The following DGKG variants were observed in gnomAD, a reference collection of about 807,000 sequenced individuals.
The protein encoded by DGKG is DAG kinase gamma.
In DGKG, 78 loss-of-function variants were observed where a neutral mutation model predicts 105.3. The ratio of observed to expected loss-of-function variants is 0.74; its 90% CI spans 0.62 to 0.89. DGKG has a LOEUF of 0.89. DGKG is among the 40% of genes least tolerant of loss of function. The pLI is 0.00. For synonymous variants in DGKG, 346 were observed against 367.1 expected, an observed-to-expected ratio of 0.94 and a Z score of 0.66; for missense variants, 958 against 1,020.1, an observed-to-expected ratio of 0.94 and a Z score of 0.83.
chr3:186,300,125 C>T (rs184571193), intron 3 of DGKG, among the ~76,000 whole-genome samples: 5 of 152,284 alleles, frequency 3.3e-5, no homozygotes, highest in Admixed American at 6.5e-5. Context: ...GCGTGAGGCA[C>T]CATGCCCAGC....
intron 1 of DGKG, among the ~76,000 whole-genome samples, chr3:186,322,725 G>A (rs1032144849): frequency 1.3e-5 from 2 of 152,106 alleles, no homozygotes; most frequent in Non-Finnish European, 2.9e-5. Context: ...TCCTTGGTCT[G>A]AATCTGAATA....
intron 1 of DGKG, among the ~76,000 whole-genome samples, chr3:186,322,827 T>G (rs1267946723): frequency 1.3e-5 from 2 of 152,168 alleles, no homozygotes; most frequent in Non-Finnish European, 2.9e-5. Context: ...GATCTGCATC[T>G]TCCAGTGTCC....
chr3:186,174,348 T>A (rs1716970087), intron 22 of DGKG, among the ~76,000 whole-genome samples: 1 of 151,958 alleles, frequency 6.6e-6, no homozygotes, highest in Admixed American at 6.6e-5. Context: ...TGCTACACAG[T>A]AAGTGCATGG....
chr3:186,150,365 T>C (rs1203423587), intron 24 of DGKG, among the ~76,000 whole-genome samples, 177 bp from the exon 25 acceptor site: 2 of 152,126 alleles, frequency 1.3e-5, no homozygotes, highest in Non-Finnish European at 2.9e-5. Context: ...GCCTGGAGTT[T>C]GGCACGGCTG....
intron 1 of DGKG, among the ~76,000 whole-genome samples, chr3:186,324,226 A>G (rs1233142590): frequency 6.6e-6 from 1 of 152,140 alleles, no homozygotes; most frequent in African/African-American, 2.4e-5. Context: ...ACACTGAACT[A>G]AAACCAGAAG....
chr3:186,185,249 G>T (rs530658721), intron 22 of DGKG, among the ~76,000 whole-genome samples: 9 of 152,184 alleles, frequency 5.9e-5, no homozygotes, highest in African/African-American at 2.2e-4. Context: ...CTCAGTGCTG[G>T]CATCTCTGCA....
intron 1 of DGKG, among the ~76,000 whole-genome samples, chr3:186,334,255 T>C (rs995231484): frequency 6.6e-6 from 1 of 152,138 alleles, no homozygotes; most frequent in Non-Finnish European, 1.5e-5. Context: ...TTCAAACCCA[T>C]GTCTGTCTGA....
chr3:186,201,851 G>C (rs1438312625), intron 21 of DGKG, among the ~76,000 whole-genome samples: 1 of 152,240 alleles, frequency 6.6e-6, no homozygotes, highest in Non-Finnish European at 1.5e-5. Flanking sequence ...GAATGAATAA[G>C]ATAAAGTCCT....
chr3:186,232,571 G>A (rs1010002314), intron 20 of DGKG, among the ~76,000 whole-genome samples: 7 of 152,054 alleles, frequency 4.6e-5, no homozygotes, highest in African/African-American at 1.7e-4. Context: ...TGGCAATATT[G>A]TGTTTCTCCA....
chr3:186,280,529 G>A, intron 8 of DGKG, 141 bp downstream of exon 8: 1 of 602,202 alleles, frequency 1.7e-6, no homozygotes, highest in South Asian at 2.5e-5. Context: ...AGGAGGTAAA[G>A]TGCAGGACTC....
chr3:186,350,325 A>G (rs1468265080), intron 1 of DGKG, among the ~76,000 whole-genome samples: 2 of 152,176 alleles, frequency 1.3e-5, no homozygotes, highest in African/African-American at 4.8e-5. Flanking sequence ...AGTACCTCAT[A>G]TGAGTGGAAT....
At chr3:186,242,887 G>C (rs548234201) in intron 19 of DGKG, among the ~76,000 whole-genome samples, 1 of 152,304 alleles carries the variant, frequency 6.6e-6, no homozygotes, top group East Asian at 1.9e-4. Flanking sequence ...GCCCTCTGGG[G>C]AGACTGAGAG....
intron 22 of DGKG, among the ~76,000 whole-genome samples, chr3:186,175,159 T>C (rs1158282677): frequency 6.6e-6 from 1 of 152,204 alleles, no homozygotes. Flanking sequence ...GGAGGCATCC[T>C]ATCCCTAAGG....
intron 14 of DGKG, 112 bp from the exon 15 acceptor site, chr3:186,261,890 G>A: frequency 1.5e-6 from 1 of 664,344 alleles, no homozygotes; most frequent in East Asian, 2.9e-5. Flanking sequence ...AGGAGGGCAG[G>A]CAGTCAGGTG....
rs191028766 is a variant in DGKG, at chr3:186,297,961, G to A, written c.310+103C>T. The A allele has an allele frequency of 4.6e-5, 63 of 1,355,980 alleles. No homozygotes were observed. In the East Asian group the frequency reaches 9.3e-4, roughly 20 times the overall value. The allele number at this position is 1,355,980 out of a possible 1,614,324, so 84.0% of individuals were successfully genotyped here. A position where few individuals can be genotyped will look rare whatever the true frequency, so the allele number is the denominator to read the frequency against. On this transcript the variant is annotated intron_variant, in intron 4 of 24. Transcript: ENST00000265022. ...CTTGGTTCATGTTCGCACCGTTGGG[G>A]CAGTTACTATGTTCAGGGGACCCTC...
At chr3:186,283,384 C>G (rs1030804439) in intron 7 of DGKG, among the ~76,000 whole-genome samples, 3 of 152,100 alleles carry the variant, frequency 2.0e-5, no homozygotes. Context: ...CCTAGGGACC[C>G]TCAGGACCCT....
chr3:186,161,223 T>TAAAAA, intron 24 of DGKG: 1 of 1,000,652 alleles, frequency 1.0e-6, no homozygotes, highest in South Asian at 4.3e-5. Flanking sequence ...GGAAGCAATT[T>TAAAAA]GACTTGTTCA....
At chr3:186,236,065 A>T (rs1418877532) in intron 20 of DGKG, among the ~76,000 whole-genome samples, 4 of 152,118 alleles carry the variant, frequency 2.6e-5, no homozygotes, top group African/African-American at 7.2e-5. Context: ...CAGATCCCCA[A>T]CCTCTGCCTC....
chr3:186,310,269 A>AAAAAAAAC (rs1220628922), intron 2 of DGKG, among the ~76,000 whole-genome samples: 7 of 140,150 alleles, frequency 5.0e-5, no homozygotes, highest in African/African-American at 1.5e-4. Flanking sequence ...CCGTCTCAAA[A>AAAAAAAAC]AAAAAAAAAA....
Sources: gnomAD v4.1 joint callset for allele counts (sites outside exome capture counted in the v4.1 genomes callset) on GRCh38, gnomAD v4.1.1 for gene constraint, MANE v1.5 for transcripts, NCBI Gene and HGNC (gene_info 2026-07-23, HGNC 2026-07-21) for gene names.